The following STIM2 variants were observed in gnomAD, a reference collection of about 807,000 sequenced individuals.
STIM2 encodes stromal interaction molecule 2.
In STIM2, 31 loss-of-function variants were observed where a neutral mutation model predicts 85.8. That is an observed-to-expected ratio of 0.36 (90% CI 0.27 to 0.49). STIM2 has a LOEUF of 0.49. Ranked by LOEUF, STIM2 falls within the 20% of genes least tolerant of loss-of-function variation. The pLI is 0.98. For missense variants in STIM2, 841 were observed against 927.6 expected (o/e 0.91, Z 1.21); for synonymous variants, 356 against 331.1 (o/e 1.08, Z -0.82).
chr4:26,992,944 T>A (rs1277684255), intron 3 of STIM2, among the ~76,000 whole-genome samples: 4 of 152,126 alleles, frequency 2.6e-5, no homozygotes, highest in Non-Finnish European at 5.9e-5. Context: ...TTACTAAGAT[T>A]TGGGCAGTTT....
chr4:26,941,066 TG>T (rs1207231129), intron 2 of STIM2, among the ~76,000 whole-genome samples: 1 of 152,204 alleles, frequency 6.6e-6, no homozygotes, highest in East Asian at 1.9e-4. Context: ...ATTCTGCCTT[TG>T]TAGCCATGAT....
At chr4:26,976,580 G>T (rs1727205805) in intron 3 of STIM2, among the ~76,000 whole-genome samples, 1 of 151,960 alleles carries the variant, frequency 6.6e-6, no homozygotes, top group South Asian at 2.1e-4. Context: ...GGTCTAGGCA[G>T]GTGGATCACT....
intron 3 of STIM2, among the ~76,000 whole-genome samples, chr4:26,990,792 A>T: frequency 6.6e-6 from 1 of 152,152 alleles, no homozygotes; most frequent in Non-Finnish European, 1.5e-5. Context: ...CTGAGTAGGC[A>T]TAAAGACATA....
Position 26,861,306 on chromosome 4 carries a change from T to G in STIM2, c.88T>G (p.Ser30Ala). The G allele has an allele frequency of 7.0e-7, 1 of 1,431,776 alleles. No homozygotes were observed. Among genetic ancestry groups the G allele is most frequent in the Non-Finnish European group, 9.1e-7 (1 of 1,096,024 alleles). The allele number at this position is 1,431,776 out of a possible 1,614,324, so 88.7% of individuals were successfully genotyped here. Residue 30 changes from serine (S) to alanine (A), a missense_variant, in exon 1 of 12, where the codon TCT (serine) becomes GCT (alanine). Ser to Ala is a moderately conservative substitution (Grantham distance 99, BLOSUM62 1). Around this residue, in one of 3 missense-constraint regions of STIM2, gnomAD observed 140 missense variants for 117.7 expected, o/e 1.19. Coordinates refer to ENST00000467087, the MANE Select transcript of STIM2 (RefSeq NM_020860.4). The stretch of plus-strand genomic sequence containing the variant: ...CCTCCGCGGGCGGCGGGCGACTGGC[T>G]CTGCCGCAACTGCCGCCTCCTCTCC...
intron 2 of STIM2, among the ~76,000 whole-genome samples, chr4:26,957,135 T>C (rs1464422946): frequency 6.6e-6 from 1 of 152,170 alleles, no homozygotes; most frequent in Non-Finnish European, 1.5e-5. Context: ...CCCATATAAA[T>C]TGTTTCTAGA....
At chr4:26,871,547 T>C (rs1722611045) in intron 1 of STIM2, among the ~76,000 whole-genome samples, 1 of 152,214 alleles carries the variant, frequency 6.6e-6, no homozygotes, top group South Asian at 2.1e-4. Flanking sequence ...AATTAAACTT[T>C]GACTCGATTT....
At chr4:26,873,983 G>A (rs1353291615) in intron 1 of STIM2, 8 of 964,994 alleles carry the variant, frequency 8.3e-6, no homozygotes, top group African/African-American at 1.6e-5. Flanking sequence ...GCTCTTCTGT[G>A]CCCCTCTCTT....
chr4:27,020,032 C>G (rs890840863), intron 11 of STIM2, among the ~76,000 whole-genome samples: 1 of 152,150 alleles, frequency 6.6e-6, no homozygotes, highest in African/African-American at 2.4e-5. Context: ...CTTACTTTAA[C>G]AGATAGGAAA....
intron 11 of STIM2, 67 bp downstream of exon 11, chr4:27,018,051 C>T (rs537358036): frequency 2.5e-5 from 36 of 1,462,390 alleles, no homozygotes; most frequent in East Asian, 2.3e-4. Context: ...GAGGAGGGGG[C>T]GGGAGGAGTG....
intron 3 of STIM2, among the ~76,000 whole-genome samples, chr4:26,963,797 A>G (rs1296317591): frequency 2.0e-5 from 3 of 152,238 alleles, no homozygotes; most frequent in African/African-American, 7.2e-5. Flanking sequence ...TATACAAGTT[A>G]GCACATTAAA....
intron 1 of STIM2, among the ~76,000 whole-genome samples, chr4:26,896,326 A>G (rs555652596): frequency 6.6e-6 from 1 of 152,326 alleles, no homozygotes; most frequent in African/African-American, 2.4e-5. Flanking sequence ...AGGGCTCTGA[A>G]TTACATTTGT....
chr4:27,010,484 T>C (rs1482271097), intron 10 of STIM2, among the ~76,000 whole-genome samples: 1 of 152,128 alleles, frequency 6.6e-6, no homozygotes, highest in Non-Finnish European at 1.5e-5. Flanking sequence ...AGATTTATTA[T>C]CTCTAAAAAA....
At chr4:26,891,797 T>G (rs1723501315) in intron 1 of STIM2, among the ~76,000 whole-genome samples, 1 of 152,216 alleles carries the variant, frequency 6.6e-6, no homozygotes, top group South Asian at 2.1e-4. Flanking sequence ...TATGTCAACA[T>G]GTACCACATC....
chr4:26,886,541 G>A (rs564993973), intron 1 of STIM2, among the ~76,000 whole-genome samples: 1 of 152,224 alleles, frequency 6.6e-6, no homozygotes, highest in Non-Finnish European at 1.5e-5. Context: ...AGAGACAGAG[G>A]GATGAGACCC....
rs1417477000 is a variant in STIM2, at chr4:27,002,246, A to T, written c.655A>T (p.Ile219Phe). Residue 219 changes from isoleucine (I) to phenylalanine (F), a missense_variant, in exon 6 of 12, where the codon ATC (isoleucine) becomes TTC (phenylalanine). By Grantham distance (21) the Ile-to-Phe change is conservative. Around this residue, in one of 3 missense-constraint regions of STIM2, gnomAD observed 408 missense variants for 525.4 expected, o/e 0.78. Coordinates refer to ENST00000467087, the MANE Select transcript of STIM2 (RefSeq NM_020860.4). ...ACCTCATAACTGGATGAAAGATTTTATCCTCACAGTTTCTATAGTAATTGG... is the reference window on the plus strand; with the variant it reads ...ACCTCATAACTGGATGAAAGATTTTTTCCTCACAGTTTCTATAGTAATTGG... The T allele has an allele frequency of 3.7e-6, 6 of 1,610,904 alleles. No individual in the cohort carries two copies. The highest frequency in any genetic ancestry group is 1.3e-5 in the African/African-American group (1 of 74,684).
intron 3 of STIM2, among the ~76,000 whole-genome samples, chr4:26,994,668 G>A (rs1475747419): frequency 6.6e-6 from 1 of 152,066 alleles, no homozygotes; most frequent in African/African-American, 2.4e-5. Flanking sequence ...AGCCTTTCAT[G>A]ACCTAGCTCC....
intron 3 of STIM2, among the ~76,000 whole-genome samples, chr4:26,987,661 A>G (rs1727628917): frequency 6.6e-6 from 1 of 152,160 alleles, no homozygotes; most frequent in Non-Finnish European, 1.5e-5. Context: ...AGTTGTAGGA[A>G]TCACCTCCAT....
Position 26,967,402 on chromosome 4 carries a change from A to G in STIM2, c.397+9676A>G, listed in dbSNP as rs972202693. On this transcript the variant is annotated intron_variant, in intron 3 of 11. Transcript: ENST00000467087. ...AGGCAAAGAACTGATGAATGAAATCAGTAATGGCCATCAGAGACATGGAGG... is the reference window on the plus strand; with the variant it reads ...AGGCAAAGAACTGATGAATGAAATCGGTAATGGCCATCAGAGACATGGAGG... Among the ~76,000 whole-genome samples the G allele has an allele frequency of 5.1e-4, 78 of 152,166 alleles. 1 individual carries two copies. Among genetic ancestry groups the G allele is most frequent in the African/African-American group, 1.8e-3 (73 of 41,442 alleles).
At chr4:26,885,859 A>ATATATATGTGTATATATATATATATATG (rs1560194659) in intron 1 of STIM2, among the ~76,000 whole-genome samples, 50 of 89,426 alleles carry the variant, frequency 5.6e-4, no homozygotes, top group Non-Finnish European at 6.1e-4. Flanking sequence ...ATATATATAT[A>ATATATATGTGTATATATATATATATATG]TATATATATA....
Sources: allele counts gnomAD v4.1 joint callset (sites outside exome capture counted in the v4.1 genomes callset), GRCh38; gene constraint gnomAD v4.1.1; regional missense constraint gnomAD v4.1.1; transcripts MANE v1.5; gene names NCBI Gene and HGNC (gene_info 2026-07-23, HGNC 2026-07-21).